The following ECSIT variants were observed in gnomAD, a reference collection of about 807,000 sequenced individuals.
The protein encoded by ECSIT is evolutionarily conserved signaling intermediate in Toll pathway, mitochondrial.
ECSIT carries 29 observed loss-of-function variants against 36.8 expected under a neutral mutation model. The ratio of observed to expected loss-of-function variants is 0.79; its 90% CI spans 0.59 to 1.08. The LOEUF (loss-of-function observed/expected upper bound fraction) is 1.08. ECSIT is among the 50% of genes least tolerant of loss of function. The probability of loss-of-function intolerance (pLI) is 0.00; values close to 1 mark genes in which losing one functional copy is unlikely to be tolerated. For synonymous variants in ECSIT, 231 were observed against 234.8 expected (o/e 0.98, Z 0.15); for missense variants, 542 against 581.0 (o/e 0.93, Z 0.69).
In ECSIT at chr19:11,519,469, A is replaced by G. The variant is rs954781476; in HGVS notation, c.-23-276T>C. On this transcript the variant is annotated intron_variant, in intron 1 of 7. Coordinates refer to ENST00000270517, the MANE Select transcript of ECSIT (RefSeq NM_016581.5). This position sits in a 1 kb window ranked among gnomAD's most constrained non-coding sequence, Gnocchi z 4.4. ...CCCAGAGCGTCGAGAAGCTGGGACTACAGACGCGTGCCACCATGCCCAGCT... is the reference window on the plus strand; with the variant it reads ...CCCAGAGCGTCGAGAAGCTGGGACTGCAGACGCGTGCCACCATGCCCAGCT... Among the ~76,000 whole-genome samples, 1 of 152,146 alleles carries G rather than the reference A, an allele frequency of 6.6e-6. No individual in the cohort carries two copies. Among genetic ancestry groups the G allele is most frequent in the Non-Finnish European group, 1.5e-5 (1 of 68,024 alleles).
chr19:11,506,917 G>C (rs1280080962), intron 7 of ECSIT, among the ~76,000 whole-genome samples: 2 of 152,162 alleles, frequency 1.3e-5, no homozygotes, highest in Admixed American at 1.3e-4. Flanking sequence ...TCACCCGGGC[G>C]ATGACTCCTG....
At position 11,506,194 on chromosome 19, in the gene ECSIT, C is replaced by T. The variant is rs192081480; in HGVS notation, c.1286G>A (p.Gly429Asp). Residue 429 changes from glycine (G) to aspartate (D), a missense_variant, in exon 8 of 8, where the codon GGC becomes GAC. Coordinates refer to ENST00000270517, the MANE Select transcript of ECSIT (RefSeq NM_016581.5). ...EDDNLQRQQQ[G>D]QS Reference sequence around the variant, plus strand: ...TCGCGCCGGCTCAGACTAGCTCTGGCCCTGCTGCTGTCGCTGCAGGTTGTC... The same window carrying T: ...TCGCGCCGGCTCAGACTAGCTCTGGTCCTGCTGCTGTCGCTGCAGGTTGTC... 2 of 1,605,546 alleles carry T rather than the reference C, an allele frequency of 1.2e-6. No individual in the cohort carries two copies. Among genetic ancestry groups the T allele is most frequent in the Admixed American group, 3.3e-5 (2 of 60,026 alleles).
intron 1 of ECSIT, among the ~76,000 whole-genome samples, chr19:11,526,743 A>C: frequency 7.2e-6 from 1 of 138,010 alleles, no homozygotes; most frequent in African/African-American, 2.8e-5. Flanking sequence ...TTTTGGAGAC[A>C]GAGTCTCACT....
chr19:11,512,759 A>G (rs1288122023), intron 4 of ECSIT, among the ~76,000 whole-genome samples: 5 of 151,308 alleles, frequency 3.3e-5, no homozygotes, highest in Non-Finnish European at 5.9e-5. Context: ...ATATAGTGAG[A>G]CCCTGTCTCT....
intron 7 of ECSIT, among the ~76,000 whole-genome samples, chr19:11,507,085 G>C (rs1971760500): frequency 6.6e-6 from 1 of 152,196 alleles, no homozygotes; most frequent in Non-Finnish European, 1.5e-5. Flanking sequence ...TTGTAGGAGG[G>C]AGGGAATGAA....
intron 1 of ECSIT, among the ~76,000 whole-genome samples, chr19:11,520,816 T>A (rs1479561966): frequency 3.3e-5 from 5 of 151,918 alleles, no homozygotes; most frequent in Non-Finnish European, 7.4e-5. Context: ...CGGGCTTTTT[T>A]TTTTTTGAGA....
chr19:11,507,379 G>T, intron 7 of ECSIT, 78 bp downstream of exon 7: 1 of 1,193,386 alleles, frequency 8.4e-7, no homozygotes, highest in South Asian at 1.2e-5. Flanking sequence ...GGGCTCAAGT[G>T]ATCCTCCCAC....
intron 3 of ECSIT, 142 bp from the exon 4 acceptor site, chr19:11,513,421 A>G: frequency 4.8e-6 from 4 of 833,484 alleles, no homozygotes; most frequent in Non-Finnish European, 8.0e-6. Context: ...AAAAAGGCTC[A>G]TGCCTGTAAT....
intron 2 of ECSIT, among the ~76,000 whole-genome samples, chr19:11,518,258 C>T (rs1251179939): frequency 6.6e-6 from 1 of 152,158 alleles, no homozygotes; most frequent in African/African-American, 2.4e-5. Flanking sequence ...AAAACCGCGT[C>T]TCTACTAAAA....
intron 1 of ECSIT, among the ~76,000 whole-genome samples, chr19:11,525,354 T>G (rs1972192323): frequency 1.3e-5 from 2 of 151,028 alleles, no homozygotes; most frequent in South Asian, 4.2e-4. Context: ...ATAAAAAAAT[T>G]TAAAAATTAA....
At chr19:11,507,363 A>G (rs1971768464) in intron 7 of ECSIT, 94 bp downstream of exon 7, 1 of 994,366 alleles carries the variant, frequency 1.0e-6, no homozygotes, top group Non-Finnish European at 1.6e-6. Flanking sequence ...TGCAACCTCA[A>G]CTCCTGGGCT....
rs138790462 is a variant in ECSIT at position 11,506,403 on chromosome 19, C to G, written c.1077G>C (p.Met359Ile). 3 of 1,613,248 alleles carry G rather than the reference C, an allele frequency of 1.9e-6. No individual in the cohort carries two copies. The highest frequency in any genetic ancestry group is 2.5e-6 in the Non-Finnish European group (3 of 1,179,612). ...CCTGGTCATGAGCACCCGCCATGCA[C>G]ATGGCGAAGACAGGGCCTTCCTCCA... ...NEVEEGPVFAMCMAGAHDQAT... is the reference protein window; with the variant it reads ...NEVEEGPVFAICMAGAHDQAT... Residue 359 changes from methionine to isoleucine, a missense_variant, in exon 8 of 8, where the codon ATG (methionine) becomes ATC (isoleucine). Transcript: ENST00000270517.
At chr19:11,514,260 C>G (rs1293768696) in intron 2 of ECSIT, 39 bp from the exon 3 acceptor site, 2 of 1,561,154 alleles carry the variant, frequency 1.3e-6, no homozygotes, top group Non-Finnish European at 1.7e-6. Context: ...TGGCACCTCT[C>G]AGTGTCTATG....
chr19:11,516,009 C>T (rs1339185686), intron 2 of ECSIT: 2 of 152,192 alleles, frequency 1.3e-5, no homozygotes, highest in African/African-American at 4.8e-5. Context: ...CTAAGGTGAT[C>T]CACCCACCGT....
chr19:11,506,081 C>T lies in ECSIT; in HGVS notation c.*103G>A, dbSNP rs1971727880. ...ACTGCTAGAGATGAGGGAAGAGAGC[C>T]CCAAGCAGGAAAACATTGATTTGCT... is the stretch of plus-strand genomic sequence containing the variant. On this transcript the variant is annotated 3_prime_UTR_variant, in exon 8 of 8. Coordinates refer to ENST00000270517, the MANE Select transcript of ECSIT (RefSeq NM_016581.5). The T allele has an allele frequency of 3.3e-6, 5 of 1,515,752 alleles. No individual in the cohort carries two copies. The highest frequency in any genetic ancestry group is 4.4e-6 in the Non-Finnish European group (5 of 1,130,702). The allele number at this position is 1,515,752 out of a possible 1,614,324, so 93.9% of individuals were successfully genotyped here.
rs1259833051 is a variant in ECSIT, at chr19:11,523,029, C to CGT, written c.-23-3837_-23-3836insAC. 8.6e-3 allele frequency among the ~76,000 whole-genome samples: 1,310 copies of CGT among 152,154 alleles called. 10 individuals carry two copies. The highest frequency in any genetic ancestry group is 0.015 in the Non-Finnish European group (989 of 68,016). On this transcript the variant is annotated intron_variant, in intron 1 of 7. Transcript: ENST00000270517. ...GAGCTTGCAGTGAGCTGAGATCCCA[C>CGT]CACTGCACTCCAGCCTGGGTGACAG... is the stretch of plus-strand genomic sequence containing the variant.
Position 11,507,532 on chromosome 19 carries a change from G to C in ECSIT, c.976C>G (p.Leu326Val). 3 of 1,614,074 alleles carry C rather than the reference G, an allele frequency of 1.9e-6. No homozygotes were observed. Among genetic ancestry groups the C allele is most frequent in the Non-Finnish European group, 2.5e-6 (3 of 1,180,018 alleles). Residue 326 changes from leucine to valine, a missense_variant, in exon 7 of 8, where the codon CTC (leucine) becomes GTC (valine). Leu to Val is a conservative substitution (Grantham distance 32). Transcript: ENST00000270517. ...AGGTCCAGCTGCATCGGGTAGTAGA[G>C]GTTCCACTCCTCCGGCGTCTCTTCC... is the stretch of plus-strand genomic sequence containing the variant. ...EVEETPEEWN[L>V]YYPMQLDLEY...
intron 7 of ECSIT, among the ~76,000 whole-genome samples, chr19:11,506,686 C>T (rs1359812469): frequency 3.9e-5 from 6 of 152,148 alleles, no homozygotes; most frequent in Non-Finnish European, 8.8e-5. Flanking sequence ...AGGTGCACAG[C>T]ACCACGCCGG....
chr19:11,507,323 C>A (rs12610434), intron 7 of ECSIT, 134 bp downstream of exon 7: 1 of 698,694 alleles, frequency 1.4e-6, no homozygotes. Context: ...ATCATGTAGG[C>A]TGGAGTGCAG....
Sources: gnomAD v4.1 joint callset for allele counts (sites outside exome capture counted in the v4.1 genomes callset) on GRCh38, gnomAD v4.1.1 for gene constraint, Gnocchi (gnomAD v3.1) non-coding constraint, MANE v1.5 for transcripts, NCBI Gene and HGNC (gene_info 2026-07-23, HGNC 2026-07-21) for gene names.